MYH14: variants seen among roughly 807,000 people sequenced by gnomAD.
MYH14 encodes the protein myosin heavy chain 14.
MYH14 carries 123 observed loss-of-function variants against 255.5 expected under a neutral mutation model. The ratio of observed to expected loss-of-function variants is 0.48; its 90% CI spans 0.42 to 0.56. The LOEUF (loss-of-function observed/expected upper bound fraction) is 0.56, where lower values mean the gene tolerates loss of function less well. Ranked by LOEUF, MYH14 falls within the 20% of genes least tolerant of loss-of-function variation. The probability of loss-of-function intolerance (pLI) is 0.00; values close to 1 mark genes in which losing one functional copy is unlikely to be tolerated. For synonymous variants in MYH14, 1,095 were observed against 1,161.2 expected (o/e 0.94, Z 1.16); for missense variants, 2,423 against 2,802.3 (o/e 0.86, Z 3.06).
rs953099549 is a variant in MYH14, at chr19:50,280,684, C to T, written c.4290+301C>T. ...GCCTCCAGCCTCTCCCCTAACAGCT[C>T]ATCCCCTGCACAGCCCCAGAAGCTT... On this transcript the variant is annotated intron_variant, in intron 32 of 42. Transcript: ENST00000642316. This position sits in a 1 kb window ranked among gnomAD's most constrained non-coding sequence, Gnocchi z 4.8. 6.6e-6 allele frequency among the ~76,000 whole-genome samples: 1 copy of T among 152,106 alleles called. No homozygotes were observed.
intron 39 of MYH14, among the ~76,000 whole-genome samples, chr19:50,300,518 G>T (rs573320137): frequency 6.6e-6 from 1 of 152,258 alleles, no homozygotes; most frequent in South Asian, 2.1e-4. Flanking sequence ...GGAGGCTGAG[G>T]TGGGTGGATC....
intron 35 of MYH14, among the ~76,000 whole-genome samples, chr19:50,290,202 C>T (rs924734977): frequency 1.3e-5 from 2 of 151,800 alleles, no homozygotes; most frequent in African/African-American, 4.8e-5. Flanking sequence ...CCCCTCAGCA[C>T]CCCCTGCTGA....
chr19:50,271,311 G>T (rs761607406), intron 24 of MYH14, 98 bp from the exon 25 acceptor site: 6 of 1,316,022 alleles, frequency 4.6e-6, no homozygotes, highest in East Asian at 2.5e-5. Flanking sequence ...ACCACAAGCC[G>T]CGGGGATCCG....
At chr19:50,210,333 G>C (rs975710260) in intron 1 of MYH14, 30 bp from the exon 2 acceptor site, 3 of 1,555,710 alleles carry the variant, frequency 1.9e-6, no homozygotes, top group Non-Finnish European at 2.6e-6. Flanking sequence ...AGCCCCATCT[G>C]ACCCCCACCC....
intron 39 of MYH14, among the ~76,000 whole-genome samples, chr19:50,297,513 T>G (rs2036314356): frequency 6.9e-6 from 1 of 145,532 alleles, no homozygotes; most frequent in African/African-American, 2.5e-5. Context: ...TTTTTTTTTT[T>G]TGAGACAGAG....
intron 1 of MYH14, among the ~76,000 whole-genome samples, chr19:50,206,890 G>A (rs1032029424): frequency 6.6e-6 from 1 of 151,822 alleles, no homozygotes; most frequent in Non-Finnish European, 1.5e-5. Flanking sequence ...CTGATGTGGT[G>A]GGGCAGTGAT....
At chr19:50,208,514 A>AAG (rs112016606) in intron 1 of MYH14, among the ~76,000 whole-genome samples, 9,026 of 152,046 alleles carry the variant, frequency 0.059, 491 homozygotes, top group African/African-American at 0.14. Flanking sequence ...AAAAATAAAA[A>AAG]AGAGAGAGAG....
At chr19:50,238,277 T>G (rs2033748368) in intron 10 of MYH14, among the ~76,000 whole-genome samples, 1 of 152,126 alleles carries the variant, frequency 6.6e-6, no homozygotes, top group Non-Finnish European at 1.5e-5. Context: ...CCCTGGGGCC[T>G]GGCACAAACA....
chr19:50,260,745 G>C (rs771281183), intron 20 of MYH14, 30 bp downstream of exon 20: 1 of 1,470,394 alleles, frequency 6.8e-7, no homozygotes, highest in Non-Finnish European at 9.2e-7. Context: ...GAATGCGTGT[G>C]TGCGTGTGTG....
At chr19:50,289,070 A>AGAATTCCCAAAGAT (rs1397776504) in intron 34 of MYH14, among the ~76,000 whole-genome samples, 1 of 152,132 alleles carries the variant, frequency 6.6e-6, no homozygotes, top group African/African-American at 2.4e-5. Flanking sequence ...CCATTCGCAC[A>AGAATTCCCAAAGAT]GAATTCCCAA....
In MYH14 at chr19:50,309,977, A is replaced by C; in HGVS notation, c.*187A>C. ...TCCCATCAAAGGATGACCCCTAAAC[A>C]CAGAGGAGCGGGGCAGGCAGGGAGG... On this transcript the variant is annotated 3_prime_UTR_variant, in exon 43 of 43. Transcript: ENST00000642316. 2.9e-5 allele frequency: 20 copies of C among 684,908 alleles called. No homozygotes were observed. The highest frequency in any genetic ancestry group is 4.9e-5 in the Non-Finnish European group (19 of 390,756). 42.4% of individuals were successfully genotyped at this position (684,908 alleles called of 1,614,324 possible). A position where few individuals can be genotyped will look rare whatever the true frequency, so the allele number is the denominator to read the frequency against.
At chr19:50,307,737 C>G (rs2036701802) in intron 41 of MYH14, among the ~76,000 whole-genome samples, 1 of 152,176 alleles carries the variant, frequency 6.6e-6, no homozygotes, top group Admixed American at 6.5e-5. Flanking sequence ...TCACTAGTCC[C>G]ATTTCACAGA....
chr19:50,299,570 C>CAAAAA (rs4002409), intron 39 of MYH14, among the ~76,000 whole-genome samples: 27 of 57,620 alleles, frequency 4.7e-4, no homozygotes, highest in African/African-American at 8.2e-4. Context: ...GACTCCATCT[C>CAAAAA]AAAAAAAAAA....
intron 10 of MYH14, among the ~76,000 whole-genome samples, chr19:50,236,362 T>G (rs948797564): frequency 1.5e-4 from 22 of 151,194 alleles, no homozygotes; most frequent in African/African-American, 5.1e-4. Context: ...TGAATATCCT[T>G]GTAAACAGGT....
chr19:50,301,268 G>A (rs2036471823), intron 39 of MYH14, among the ~76,000 whole-genome samples: 1 of 152,250 alleles, frequency 6.6e-6, no homozygotes, highest in Admixed American at 6.5e-5. Flanking sequence ...TCTCTGAAGG[G>A]TGAGACCCAG....
rs759119120 is a variant in MYH14 at position 50,247,169 on chromosome 19, C to T, written c.1329+47C>T. On this transcript the variant is annotated intron_variant, in intron 12 of 42. Coordinates refer to ENST00000642316, the MANE Select transcript of MYH14 (RefSeq NM_001145809.2). ...CAGGCACAGAAAGAGCCGCGCACCC[C>T]GGCCCTGGGTCTTTAAACAGTGTAT... The T allele has an allele frequency of 6.0e-6, 8 of 1,327,640 alleles. No homozygotes were observed. The East Asian group carries it at 9.4e-5, about 16-fold the overall frequency. 82.2% of individuals were successfully genotyped at this position (1,327,640 alleles called of 1,614,324 possible). A position where few individuals can be genotyped will look rare whatever the true frequency, so the allele number is the denominator to read the frequency against.
intron 23 of MYH14, 46 bp from the exon 24 acceptor site, chr19:50,268,115 C>T: frequency 2.0e-6 from 3 of 1,522,978 alleles, no homozygotes; most frequent in Non-Finnish European, 2.6e-6. Context: ...GCAGGTTGCC[C>T]TGGGAGCACT....
At chr19:50,301,995 T>C in intron 40 of MYH14, 126 bp downstream of exon 40, 1 of 777,894 alleles carries the variant, frequency 1.3e-6, no homozygotes, top group Non-Finnish European at 2.1e-6. Flanking sequence ...TAATGACTGC[T>C]GGCCTGGCAT....
At chr19:50,223,206 G>A (rs770218772) in intron 4 of MYH14, 41 bp from the exon 5 acceptor site, 1 of 1,608,554 alleles carries the variant, frequency 6.2e-7, no homozygotes, top group Non-Finnish European at 8.5e-7. Flanking sequence ...CTTGCCTGAG[G>A]TCATTGCCAA....
Sources: allele counts gnomAD v4.1 joint callset (sites outside exome capture counted in the v4.1 genomes callset), GRCh38; gene constraint gnomAD v4.1.1; non-coding constraint Gnocchi (gnomAD v3.1); transcripts MANE v1.5; gene names NCBI Gene and HGNC (gene_info 2026-07-23, HGNC 2026-07-21).